Variants in MAP2K3 observed in about 807,000 individuals in gnomAD.
The protein encoded by MAP2K3 is mitogen-activated protein kinase kinase 3, also known as dual specificity mitogen-activated protein kinase kinase 3.
A neutral mutation model predicts 46.4 loss-of-function variants in MAP2K3; 30 were observed. That is an observed-to-expected ratio of 0.65 (90% confidence interval 0.48 to 0.88). The LOEUF (loss-of-function observed/expected upper bound fraction) is 0.88. Among genes scored for constraint, MAP2K3 ranks in the 40% least tolerant of loss-of-function variants. MAP2K3 has a pLI of 0.00. For synonymous variants in MAP2K3, 189 were observed against 176.3 expected, an observed-to-expected ratio of 1.07 and a Z score of -0.57; for missense variants, 380 against 464.5, an observed-to-expected ratio of 0.82 and a Z score of 1.67.
At chr17:21,291,313 C>T (rs62056388) in intron 1 of MAP2K3, 5 of 47,512 alleles carry the variant, frequency 1.1e-4, no homozygotes, top group South Asian at 8.5e-4. Context: ...GAATACAATA[C>T]AATAGAATAC....
chr17:21,313,641 C>G (rs776325662), intron 11 of MAP2K3, 104 bp downstream of exon 11: 7 of 947,502 alleles, frequency 7.4e-6, no homozygotes, highest in Non-Finnish European at 1.1e-5. Flanking sequence ...GGTAGCTCCT[C>G]TGGCTGGCCC....
chr17:21,313,613 G>A lies in MAP2K3; in HGVS notation c.960+76G>A, dbSNP rs781584139. 3.3e-5 allele frequency: 39 copies of A among 1,169,198 alleles called. No homozygotes were observed. The African/African-American group carries it at 4.7e-4, about 14-fold the overall frequency. The allele number at this position is 1,169,198 out of a possible 1,614,324, so 72.4% of individuals were successfully genotyped here. The stretch of plus-strand genomic sequence containing the variant: ...TGGGTGGGGCTCTGGGGAGAGGGCT[G>A]CATCCTGCACACAGATGGGTAGCTC... On this transcript the variant is annotated intron_variant, in intron 11 of 11. Transcript: ENST00000342679.
chr17:21,292,902 T>C (rs1976022873), intron 1 of MAP2K3, among the ~76,000 whole-genome samples: 1 of 152,310 alleles, frequency 6.6e-6, no homozygotes, highest in South Asian at 2.1e-4. Flanking sequence ...ACCAATTCCA[T>C]GTGCCAGCCT....
At chr17:21,309,917 T>G (rs1977082941) in intron 9 of MAP2K3, among the ~76,000 whole-genome samples, 1 of 152,178 alleles carries the variant, frequency 6.6e-6, no homozygotes, top group Non-Finnish European at 1.5e-5. Flanking sequence ...TAATGCTTCT[T>G]TTTAAAAAAC....
chr17:21,296,635 C>T (rs1976267677), intron 1 of MAP2K3, among the ~76,000 whole-genome samples: 1 of 152,312 alleles, frequency 6.6e-6, no homozygotes, highest in South Asian at 2.1e-4. Flanking sequence ...CTTCACCTCT[C>T]TGAGCCTGTT....
At chr17:21,302,029 TG>T in intron 5 of MAP2K3, 113 bp from the exon 6 acceptor site, 3 of 1,000,454 alleles carry the variant, frequency 3.0e-6, no homozygotes, top group Non-Finnish European at 4.6e-6. Flanking sequence ...GCTGAGTGGG[TG>T]GGCACACGTC....
At chr17:21,298,780 C>G in intron 2 of MAP2K3, 98 bp from the exon 3 acceptor site, 1 of 1,578,530 alleles carries the variant, frequency 6.3e-7, no homozygotes, top group East Asian at 2.3e-5. Context: ...CAGGAGGCAC[C>G]TCGTCCCCAC....
chr17:21,302,069 C>A, intron 5 of MAP2K3, 74 bp from the exon 6 acceptor site: 1 of 1,449,588 alleles, frequency 6.9e-7, no homozygotes, highest in Admixed American at 1.7e-5. Context: ...GGGGCTGGTG[C>A]TGGGGCAGGC....
intron 4 of MAP2K3, 51 bp from the exon 5 acceptor site, chr17:21,300,823 G>T: frequency 1.9e-6 from 3 of 1,613,396 alleles, no homozygotes; most frequent in Non-Finnish European, 2.5e-6. Flanking sequence ...TCATGAGTGT[G>T]GGTGTTGGCC....
At chr17:21,311,974 C>T (rs2144662976) in intron 9 of MAP2K3, 168 bp from the exon 10 acceptor site, 1 of 621,650 alleles carries the variant, frequency 1.6e-6, no homozygotes, top group Non-Finnish European at 2.5e-6. Context: ...GCTGGCATCC[C>T]CGGCTTTCTC....
chr17:21,289,214 C>T (rs1975812553), intron 1 of MAP2K3, among the ~76,000 whole-genome samples: 1 of 152,210 alleles, frequency 6.6e-6, no homozygotes, highest in African/African-American at 2.4e-5. Flanking sequence ...CTGGGGACTG[C>T]CCCTGGCCTC....
intron 2 of MAP2K3, 145 bp from the exon 3 acceptor site, chr17:21,298,733 C>A: frequency 8.0e-7 from 1 of 1,247,670 alleles, no homozygotes; most frequent in Non-Finnish European, 1.1e-6. Context: ...GCTCAGCAGC[C>A]AGTGAGAGGA....
intron 7 of MAP2K3, 59 bp from the exon 8 acceptor site, chr17:21,304,367 T>C (rs907902352): frequency 4.7e-5 from 76 of 1,613,658 alleles, no homozygotes; most frequent in South Asian, 2.9e-4. Context: ...ATGCAGAGCA[T>C]GGCACCTGCC....
At chr17:21,285,305 CTT>C in intron 1 of MAP2K3, 1 of 985,184 alleles carries the variant, frequency 1.0e-6, no homozygotes, top group East Asian at 1.1e-4. Flanking sequence ...CTCTCCCAGT[CTT>C]CTCCCTCAGC....
chr17:21,292,077 C>T (rs578164451), intron 1 of MAP2K3, among the ~76,000 whole-genome samples: 93 of 152,394 alleles, frequency 6.1e-4, no homozygotes, highest in Admixed American at 1.2e-3. Flanking sequence ...TGCCCTGGTG[C>T]GTCACCTCAG....
chr17:21,292,905 G>A (rs905602688), intron 1 of MAP2K3, among the ~76,000 whole-genome samples: 5 of 152,310 alleles, frequency 3.3e-5, no homozygotes, highest in Non-Finnish European at 7.3e-5. Flanking sequence ...AATTCCATGT[G>A]CCAGCCTTTT....
chr17:21,295,586 A>AT (rs1187584295), intron 1 of MAP2K3: 2 of 1,276,072 alleles, frequency 1.6e-6, no homozygotes, highest in Non-Finnish European at 1.0e-6. Context: ...GGCTGTCTCC[A>AT]TGACGGCCTC....
At chr17:21,300,741 C>T in intron 4 of MAP2K3, 83 bp downstream of exon 4, 1 of 1,602,246 alleles carries the variant, frequency 6.2e-7, no homozygotes, top group Non-Finnish European at 8.5e-7. Flanking sequence ...CTATCCCTCT[C>T]AGTGATCAGT....
chr17:21,285,138 C>A (rs1487067350), intron 1 of MAP2K3, 169 bp downstream of exon 1: 1 of 843,966 alleles, frequency 1.2e-6, no homozygotes, highest in African/African-American at 1.8e-5. Flanking sequence ...CCCGCCTGGG[C>A]CCTCACCTGG....
Sources: allele counts gnomAD v4.1 joint callset (sites outside exome capture counted in the v4.1 genomes callset), GRCh38; gene constraint gnomAD v4.1.1; transcripts MANE v1.5; gene names NCBI Gene and HGNC (gene_info 2026-07-23, HGNC 2026-07-21).